The following SSB variants were observed in gnomAD, a reference collection of about 807,000 sequenced individuals.
SSB encodes the protein small RNA binding exonuclease protection factor La, also known as lupus La protein.
SSB carries 17 observed loss-of-function variants against 52.9 expected under a neutral mutation model. The ratio of observed to expected loss-of-function variants is 0.32; its 90% CI spans 0.22 to 0.48. SSB has a LOEUF of 0.48. Among genes scored for constraint, SSB ranks in the 20% least tolerant of loss-of-function variants. SSB has a pLI of 0.99. For missense variants in SSB, 314 were observed against 463.6 expected, an observed-to-expected ratio of 0.68 and a Z score of 2.96; for synonymous variants, 111 against 152.1, an observed-to-expected ratio of 0.73 and a Z score of 1.99.
At chr2:169,804,823 C>T (rs376513388) in intron 2 of SSB, among the ~76,000 whole-genome samples, 1 of 151,950 alleles carries the variant, frequency 6.6e-6, no homozygotes, top group Admixed American at 6.6e-5. Context: ...TGCCTGGCCC[C>T]GTCCCTTATT....
chr2:169,805,802 A>T lies in SSB; in HGVS notation c.308A>T (p.Glu103Val). Residue 103 changes from glutamate to valine, a missense_variant, in exon 4 of 12, where the codon GAG becomes GTG. Coordinates refer to ENST00000260956, the MANE Select transcript of SSB (RefSeq NM_003142.5). ...PSKPLPEVTDEYKNDVKNRSV... is the reference protein window; with the variant it reads ...PSKPLPEVTDVYKNDVKNRSV... ...AAACCCCTACCTGAAGTGACTGATG[A>T]GTATAAAAATGATGTAAAAAACAGA... The T allele has an allele frequency of 6.2e-7, 1 of 1,613,918 alleles. No individual in the cohort carries two copies. Among genetic ancestry groups the T allele is most frequent in the Non-Finnish European group, 8.5e-7 (1 of 1,179,956 alleles).
At chr2:169,806,705 A>C in intron 4 of SSB, 80 bp from the exon 5 acceptor site, 1 of 1,197,942 alleles carries the variant, frequency 8.3e-7, no homozygotes, top group Non-Finnish European at 1.2e-6. Flanking sequence ...ATTTCAAGAA[A>C]AAATGAATCA....
At position 169,811,917 on chromosome 2, in the gene SSB, ATT is replaced by A. The variant is rs1441066790; in HGVS notation, c.*163_*164del. On this transcript the variant is annotated 3_prime_UTR_variant, in exon 12 of 12. Coordinates refer to ENST00000260956, the MANE Select transcript of SSB (RefSeq NM_003142.5). Reference sequence around the variant, plus strand: ...CTTGTCTTTTTGTTATGCAAATGAGATTTCTTTGAATGTATTGTTCTGTTTGT... The same window carrying A: ...CTTGTCTTTTTGTTATGCAAATGAGATCTTTGAATGTATTGTTCTGTTTGT... 1.9e-6 allele frequency: 3 copies of A among 1,540,458 alleles called. No individual in the cohort carries two copies. Among genetic ancestry groups the A allele is most frequent in the Admixed American group, 1.7e-5 (1 of 57,626 alleles).
At chr2:169,808,989 A>G in intron 8 of SSB, 87 bp downstream of exon 8, 2 of 1,062,182 alleles carry the variant, frequency 1.9e-6, no homozygotes, top group Non-Finnish European at 2.9e-6. Context: ...TCAAGAAAAT[A>G]CGTAAGCAAA....
In SSB at chr2:169,808,479, T is replaced by C; in HGVS notation, c.555-3T>C. ...CTTAGCCTCTGTACTGTGTGTTCTT[T>C]AGGGACGATTACTTTGCCAAAAAAA... On this transcript the variant is annotated splice_polypyrimidine_tract_variant and splice_region_variant and intron_variant, in intron 6 of 11. Coordinates refer to ENST00000260956, the MANE Select transcript of SSB (RefSeq NM_003142.5). 2.5e-6 allele frequency: 4 copies of C among 1,613,124 alleles called. No homozygotes were observed. Among genetic ancestry groups the C allele is most frequent in the Non-Finnish European group, 3.4e-6 (4 of 1,179,190 alleles).
intron 6 of SSB, among the ~76,000 whole-genome samples, chr2:169,807,810 CTGT>C (rs1689859612): frequency 2.3e-5 from 1 of 43,028 alleles, no homozygotes; most frequent in Non-Finnish European, 7.0e-5. Context: ...GAATGTGTGT[CTGT>C]CTAAGTGTCT....
rs1214831332 is a variant in SSB, at chr2:169,811,247, A to G, written c.1062A>G (p.Lys354=). 6.2e-7 allele frequency: 1 copy of G among 1,611,536 alleles called. No individual in the cohort carries two copies. Among genetic ancestry groups the G allele is most frequent in the Admixed American group, 1.7e-5 (1 of 59,150 alleles). Residue 354 remains lysine (K), a synonymous_variant, in exon 11 of 12, where the codon AAA becomes AAG. Coordinates refer to ENST00000260956, the MANE Select transcript of SSB (RefSeq NM_003142.5). ...CCCAGCCTGGGTCTGGTAAAGGAAA[A>G]GTACAGTTTCAGGGCAAGAAAACGA... ...KAAQPGSGKG[K]VQFQGKKTKF... is the part of the protein sequence containing the mutation.
At chr2:169,805,416 G>A in intron 2 of SSB, 58 bp from the exon 3 acceptor site, 1 of 1,277,054 alleles carries the variant, frequency 7.8e-7, no homozygotes. Context: ...GTAGAGTAAT[G>A]TCAGGATTGG....
intron 7 of SSB, 47 bp from the exon 8 acceptor site, chr2:169,808,813 C>G: frequency 7.1e-7 from 1 of 1,407,412 alleles, no homozygotes. Flanking sequence ...ACTTAATTTT[C>G]TTATATAGTA....
rs34213273 is a variant in SSB, at chr2:169,811,875, AT to A, written c.*126del. Reference sequence around the variant, plus strand: ...AATGTCCACCTGTGAGAAAGGAAAAATTTTTTTGTTGTTTAACTTGTCTTTT... The same window carrying A: ...AATGTCCACCTGTGAGAAAGGAAAAATTTTTTGTTGTTTAACTTGTCTTTT... On this transcript the variant is annotated 3_prime_UTR_variant, in exon 12 of 12. Transcript: ENST00000260956. 20 of 1,611,922 alleles carry A rather than the reference AT, an allele frequency of 1.2e-5. No homozygotes were observed. The East Asian group carries it at 3.6e-4, about 29-fold the overall frequency.
chr2:169,808,273 G>C (rs1169126237), intron 6 of SSB, among the ~76,000 whole-genome samples: 1 of 152,076 alleles, frequency 6.6e-6, no homozygotes, highest in Admixed American at 6.6e-5. Context: ...GAATTTTGTG[G>C]CACATGGATT....
chr2:169,809,621 T>C (rs991729561), intron 8 of SSB, among the ~76,000 whole-genome samples: 1 of 151,964 alleles, frequency 6.6e-6, no homozygotes, highest in Non-Finnish European at 1.5e-5. Flanking sequence ...AAATTTTTTT[T>C]TTTCTTTTTT....
In SSB at chr2:169,810,435, T is replaced by A; in HGVS notation, c.810+12T>A. ...GAGGAGCAAAAGAGGTTTGGATACA[T>A]CCCTATCCTTTTTAGCAATCAGTTT... On this transcript the variant is annotated intron_variant, in intron 9 of 11. Coordinates refer to ENST00000260956, the MANE Select transcript of SSB (RefSeq NM_003142.5). 1 of 1,581,740 alleles carries A rather than the reference T, an allele frequency of 6.3e-7. No individual in the cohort carries two copies. The highest frequency in any genetic ancestry group is 8.5e-7 in the Non-Finnish European group (1 of 1,169,964).
intron 6 of SSB, 121 bp downstream of exon 6, chr2:169,807,192 T>C: frequency 1.4e-6 from 1 of 728,006 alleles, no homozygotes; most frequent in South Asian, 1.9e-5. Context: ...AGATGACCTT[T>C]GAGAAATGCT....
chr2:169,800,245 A>G (rs1309444658), intron 1 of SSB, among the ~76,000 whole-genome samples: 1 of 152,156 alleles, frequency 6.6e-6, no homozygotes, highest in Non-Finnish European at 1.5e-5. Flanking sequence ...TTTAAAAGAA[A>G]TGAGGCCGGG....
At chr2:169,811,117 GT>G in intron 10 of SSB, 65 bp from the exon 11 acceptor site, 1 of 1,591,566 alleles carries the variant, frequency 6.3e-7, no homozygotes, top group Non-Finnish European at 8.5e-7. Context: ...TTTAATCAGT[GT>G]TCAAAAACAT....
At chr2:169,802,045 G>A (rs551158364) in intron 2 of SSB, among the ~76,000 whole-genome samples, 1 of 152,188 alleles carries the variant, frequency 6.6e-6, no homozygotes, top group African/African-American at 2.4e-5. Flanking sequence ...TTAGCTGAGT[G>A]TGTTAGCAGT....
intron 6 of SSB, among the ~76,000 whole-genome samples, chr2:169,808,079 A>G (rs1689866187): frequency 6.6e-6 from 1 of 152,152 alleles, no homozygotes; most frequent in South Asian, 2.1e-4. Flanking sequence ...AGAAAACTGC[A>G]ATATTATTTG....
intron 2 of SSB, among the ~76,000 whole-genome samples, chr2:169,804,240 CTTTTT>C (rs11447613): frequency 7.3e-5 from 7 of 95,342 alleles, no homozygotes; most frequent in African/African-American, 1.3e-4. Context: ...TTTACTTTAA[CTTTTT>C]TTTTTTTTTT....
Sources: gnomAD v4.1 joint callset for allele counts (sites outside exome capture counted in the v4.1 genomes callset) on GRCh38, gnomAD v4.1.1 for gene constraint, MANE v1.5 for transcripts, NCBI Gene and HGNC (gene_info 2026-07-23, HGNC 2026-07-21) for gene names.